BLNK: variants seen among roughly 807,000 people sequenced by gnomAD.
The protein encoded by BLNK is B cell linker, also known as B-cell linker protein.
In BLNK, 29 loss-of-function variants were observed where a neutral mutation model predicts 73.5. The ratio of observed to expected loss-of-function variants is 0.39; its 90% confidence interval spans 0.29 to 0.54. The LOEUF (loss-of-function observed/expected upper bound fraction) is 0.54. Ranked by LOEUF, BLNK falls within the 20% of genes least tolerant of loss-of-function variation. The pLI is 0.61. For missense variants in BLNK, 460 were observed against 562.8 expected (o/e 0.82, Z 1.85); for synonymous variants, 176 against 200.8 (o/e 0.88, Z 1.04).
Position 96,259,670 on chromosome 10 carries a change from C to CTTTTTTTTTTTTTTTTTTTTTTTTTTT in BLNK, c.47+11681_47+11682insAAAAAAAAAAAAAAAAAAAAAAAAAAA, listed in dbSNP as rs57821919. On this transcript the variant is annotated intron_variant, in intron 1 of 16. Transcript: ENST00000224337. Reference sequence around the variant, plus strand: ...TTTCTCCAAACAGTTCACACCCTACCTTTTTTTTTTTTTTTTTTTTTTTGC... The same window carrying CTTTTTTTTTTTTTTTTTTTTTTTTTTT: ...TTTCTCCAAACAGTTCACACCCTACCTTTTTTTTTTTTTTTTTTTTTTTTTTTTTTTTTTTTTTTTTTTTTTTTTTGC... 3.9e-3 allele frequency among the ~76,000 whole-genome samples: 177 copies of CTTTTTTTTTTTTTTTTTTTTTTTTTTT among 44,868 alleles called. 1 individual carries two copies. Among genetic ancestry groups the CTTTTTTTTTTTTTTTTTTTTTTTTTTT allele is most frequent in the East Asian group, 9.6e-3 (12 of 1,256 alleles). The allele number at this position is 44,868 out of a possible 152,430, so 29.4% of individuals were successfully genotyped here. A position where few individuals can be genotyped will look rare whatever the true frequency, so the allele number is the denominator to read the frequency against.
intron 1 of BLNK, among the ~76,000 whole-genome samples, chr10:96,267,300 AG>A (rs1181679528): frequency 6.6e-6 from 1 of 152,146 alleles, no homozygotes; most frequent in African/African-American, 2.4e-5. Context: ...AGGAAAGAAA[AG>A]CCATATATGG....
In BLNK at chr10:96,189,652, G is replaced by A. The variant is rs1206712243; in HGVS notation, c.*2321C>T. On this transcript the variant is annotated 3_prime_UTR_variant, in exon 17 of 17. Coordinates refer to ENST00000224337, the MANE Select transcript of BLNK (RefSeq NM_013314.4). Reference sequence around the variant, plus strand: ...TTTTGTGCATTTTTGGCTGGAGTATGTAGATTTCTTCAATGGTGCTTTTTC... The same window carrying A: ...TTTTGTGCATTTTTGGCTGGAGTATATAGATTTCTTCAATGGTGCTTTTTC... 2.8e-6 allele frequency: 2 copies of A among 715,932 alleles called. No individual in the cohort carries two copies. Among genetic ancestry groups the A allele is most frequent in the Non-Finnish European group, 5.2e-6 (2 of 386,408 alleles). 44.3% of individuals were successfully genotyped at this position (715,932 alleles called of 1,614,324 possible).
chr10:96,225,349 T>C (rs1281570493), intron 5 of BLNK, among the ~76,000 whole-genome samples: 2 of 152,336 alleles, frequency 1.3e-5, no homozygotes, highest in Non-Finnish European at 2.9e-5. Flanking sequence ...GCAGCTGTCC[T>C]TGCCTGTTAG....
intron 5 of BLNK, among the ~76,000 whole-genome samples, chr10:96,224,364 C>T (rs1334778909): frequency 6.6e-6 from 1 of 152,218 alleles, no homozygotes; most frequent in Non-Finnish European, 1.5e-5. Flanking sequence ...GGCTCCACCC[C>T]AGCCTGGCAA....
At chr10:96,235,501 T>C (rs1190807403) in intron 3 of BLNK, among the ~76,000 whole-genome samples, 3 of 152,140 alleles carry the variant, frequency 2.0e-5, no homozygotes, top group Non-Finnish European at 4.4e-5. Flanking sequence ...CAAGGTCTTC[T>C]CACCAAGCCA....
At chr10:96,227,708 T>G in intron 4 of BLNK, 142 bp from the exon 5 acceptor site, 1 of 1,302,536 alleles carries the variant, frequency 7.7e-7, no homozygotes, top group South Asian at 1.2e-5. Flanking sequence ...AGGCAGCCGA[T>G]AAGAGGCAAA....
At position 96,191,921 on chromosome 10, in the gene BLNK, G is replaced by A; in HGVS notation, c.*52C>T. The A allele has an allele frequency of 6.2e-7, 1 of 1,610,378 alleles. No individual in the cohort carries two copies. Among genetic ancestry groups the A allele is most frequent in the Non-Finnish European group, 8.5e-7 (1 of 1,177,838 alleles). ...GTTTTGGGACTTTTTCTCAAAAGGA[G>A]AAACTTTGGGAAAGTGTCTGAAGCA... On this transcript the variant is annotated 3_prime_UTR_variant, in exon 17 of 17. Transcript: ENST00000224337.
intron 8 of BLNK, among the ~76,000 whole-genome samples, chr10:96,211,781 C>T (rs1415705636): frequency 6.6e-6 from 1 of 152,182 alleles, no homozygotes; most frequent in East Asian, 1.9e-4. Flanking sequence ...TGAAATGTCA[C>T]CTGAATGTGT....
Position 96,191,832 on chromosome 10 carries a change from C to A in BLNK, c.*141G>T. Reference sequence around the variant, plus strand: ...GAGCTTCTTAAAAAGAAATGGATGACCACTTCAATAGCTGACTCCATCTTC... The same window carrying A: ...GAGCTTCTTAAAAAGAAATGGATGAACACTTCAATAGCTGACTCCATCTTC... On this transcript the variant is annotated 3_prime_UTR_variant, in exon 17 of 17. Transcript: ENST00000224337. The A allele has an allele frequency of 8.9e-7, 1 of 1,123,334 alleles. No individual in the cohort carries two copies. The highest frequency in any genetic ancestry group is 1.3e-6 in the Non-Finnish European group (1 of 761,456). 69.6% of individuals were successfully genotyped at this position (1,123,334 alleles called of 1,614,324 possible).
At position 96,223,887 on chromosome 10, in the gene BLNK, G is replaced by A; in HGVS notation, c.464C>T (p.Ala155Val). Residue 155 changes from alanine (A) to valine (V), a missense_variant, in exon 6 of 17, where the codon GCC becomes GTC. Ala to Val is a moderately conservative substitution (Grantham distance 64). Transcript: ENST00000224337. ...TTGAGGTTTCTGCAAAGCAGTCAGGGCCGGCAGGGTGGAGGTGAGCCTTGC... is the reference window on the plus strand; with the variant it reads ...TTGAGGTTTCTGCAAAGCAGTCAGGACCGGCAGGGTGGAGGTGAGCCTTGC... ...EKARLTSTLP[A>V]LTALQKPQVP... 1.2e-6 allele frequency: 2 copies of A among 1,613,892 alleles called. No individual in the cohort carries two copies. The highest frequency in any genetic ancestry group is 2.2e-5 in the East Asian group (1 of 44,884).
chr10:96,218,787 T>C (rs1432986985), intron 6 of BLNK, among the ~76,000 whole-genome samples: 2 of 152,000 alleles, frequency 1.3e-5, no homozygotes, highest in Non-Finnish European at 2.9e-5. Context: ...ATCCTCCCCC[T>C]CCTCTTTCTG....
intron 8 of BLNK, among the ~76,000 whole-genome samples, chr10:96,213,659 C>A (rs1284992878): frequency 6.6e-6 from 1 of 151,748 alleles, no homozygotes; most frequent in Non-Finnish European, 1.5e-5. Context: ...CCTTGTAAGG[C>A]AAGTAGAGCT....
chr10:96,206,947 A>C, intron 11 of BLNK, 64 bp downstream of exon 11: 1 of 1,498,444 alleles, frequency 6.7e-7, no homozygotes, highest in Non-Finnish European at 9.3e-7. Context: ...AAATGTGTAC[A>C]TACAAATCCT....
intron 2 of BLNK, among the ~76,000 whole-genome samples, chr10:96,243,161 T>G (rs1591349741): frequency 6.6e-6 from 1 of 152,176 alleles, no homozygotes; most frequent in African/African-American, 2.4e-5. Flanking sequence ...GACTATATTT[T>G]AATGACTTAC....
At chr10:96,259,131 G>A (rs1554911971) in intron 1 of BLNK, among the ~76,000 whole-genome samples, 1 of 152,196 alleles carries the variant, frequency 6.6e-6, no homozygotes, top group Non-Finnish European at 1.5e-5. Context: ...ACCAGGGCAG[G>A]CGACTGGCTT....
intron 3 of BLNK, among the ~76,000 whole-genome samples, chr10:96,236,943 C>G (rs1032510911): frequency 6.6e-6 from 1 of 152,222 alleles, no homozygotes; most frequent in Admixed American, 6.5e-5. Flanking sequence ...GGACATAGTC[C>G]TGGCTCAGCC....
chr10:96,251,651 AG>A (rs1843290590), intron 1 of BLNK, among the ~76,000 whole-genome samples: 1 of 152,242 alleles, frequency 6.6e-6, no homozygotes, highest in African/African-American at 2.4e-5. Flanking sequence ...AAAATATATA[AG>A]TATTGTAATT....
chr10:96,198,204 A>T (rs2133937329), intron 15 of BLNK, among the ~76,000 whole-genome samples: 1 of 152,246 alleles, frequency 6.6e-6, no homozygotes, highest in South Asian at 2.1e-4. Flanking sequence ...AGGTGTGGAA[A>T]CAACCAGGAG....
intron 1 of BLNK, among the ~76,000 whole-genome samples, chr10:96,260,421 G>A (rs782246309): frequency 1.3e-5 from 2 of 152,156 alleles, no homozygotes; most frequent in Non-Finnish European, 2.9e-5. Context: ...AAAACCAAGC[G>A]ACTGAGAAGT....
Sources: allele counts gnomAD v4.1 joint callset (sites outside exome capture counted in the v4.1 genomes callset), GRCh38; gene constraint gnomAD v4.1.1; transcripts MANE v1.5; gene names NCBI Gene and HGNC (gene_info 2026-07-23, HGNC 2026-07-21).